The following POLDIP3 variants were observed in gnomAD, a reference collection of about 807,000 sequenced individuals.
POLDIP3 encodes DNA polymerase delta interacting protein 3.
A neutral mutation model predicts 45.1 loss-of-function variants in POLDIP3; 14 were observed. The ratio of observed to expected loss-of-function variants is 0.31; its 90% confidence interval spans 0.20 to 0.49. The LOEUF is 0.49. POLDIP3 is among the 20% of genes least tolerant of loss of function. POLDIP3 has a pLI of 0.99. For missense variants in POLDIP3, 511 were observed against 538.8 expected (o/e 0.95, Z 0.51); for synonymous variants, 223 against 205.2 (o/e 1.09, Z -0.74).
intron 1 of POLDIP3, among the ~76,000 whole-genome samples, chr22:42,611,464 C>T (rs573525191): frequency 2.0e-5 from 3 of 152,296 alleles, no homozygotes; most frequent in African/African-American, 4.8e-5. Context: ...GTTATTTACA[C>T]TTCCACAAGC....
At chr22:42,607,968 GT>G in intron 1 of POLDIP3, among the ~76,000 whole-genome samples, 1 of 149,988 alleles carries the variant, frequency 6.7e-6, no homozygotes, top group Admixed American at 6.7e-5. Flanking sequence ...CAGCCGCCCT[GT>G]TCGGGAGGTG....
chr22:42,599,187 C>T (rs1435622960), intron 4 of POLDIP3, among the ~76,000 whole-genome samples: 2 of 152,228 alleles, frequency 1.3e-5, no homozygotes, highest in Non-Finnish European at 2.9e-5. Flanking sequence ...ACTTCACTTG[C>T]TGTGGGACCT....
chr22:42,614,464 C>A lies in POLDIP3; in HGVS notation c.59+335G>T, dbSNP rs575626992. Among the ~76,000 whole-genome samples, 323 of 152,320 alleles carry A rather than the reference C, an allele frequency of 2.1e-3. 2 individuals carry two copies. Among genetic ancestry groups the A allele is most frequent in the African/African-American group, 7.3e-3 (305 of 41,574 alleles). On this transcript the variant is annotated intron_variant, in intron 1 of 8. Transcript: ENST00000252115. ...GAGATCACGGAGCGGGGCCCAAATG[C>A]CAGTCCACACAGGCAAGGAGGCTGC...
rs146662397 is a variant in POLDIP3, at chr22:42,585,304, C to T, written c.*487G>A. ...CTGACAAGACAGAGGAGCGGCACAG[C>T]TCTCAGGCCGACCTGGCTCCCGTCA... On this transcript the variant is annotated 3_prime_UTR_variant, in exon 9 of 9. Coordinates refer to ENST00000252115, the MANE Select transcript of POLDIP3 (RefSeq NM_032311.5). 508 of 507,092 alleles carry T rather than the reference C, an allele frequency of 1.0e-3. 5 individuals are homozygous for T. The highest frequency in any genetic ancestry group is 8.7e-3 in the African/African-American group (449 of 51,794). 31.4% of individuals were successfully genotyped at this position (507,092 alleles called of 1,614,324 possible).
At position 42,584,559 on chromosome 22, in the gene POLDIP3, C is replaced by T. The variant is rs957831515; in HGVS notation, c.*1232G>A. The T allele has an allele frequency of 2.5e-5, 6 of 240,104 alleles. No homozygotes were observed. The highest frequency in any genetic ancestry group is 1.2e-4 in the African/African-American group (5 of 42,636). 14.9% of individuals were successfully genotyped at this position (240,104 alleles called of 1,614,324 possible). A position where few individuals can be genotyped will look rare whatever the true frequency, so the allele number is the denominator to read the frequency against. On this transcript the variant is annotated 3_prime_UTR_variant, in exon 9 of 9. Coordinates refer to ENST00000252115, the MANE Select transcript of POLDIP3 (RefSeq NM_032311.5). ...TCTGCCAGCCTGGATTCTCTTCACT[C>T]CCAACCAGCAGGGGACCACTCAGTG...
chr22:42,587,300 C>CTAGT (rs972701072), intron 8 of POLDIP3, among the ~76,000 whole-genome samples: 2 of 152,202 alleles, frequency 1.3e-5, no homozygotes, highest in African/African-American at 2.4e-5. Flanking sequence ...GATCATAATG[C>CTAGT]TAGTCCCTAT....
At position 42,599,868 on chromosome 22, in the gene POLDIP3, C is replaced by A. The variant is rs1926242157; in HGVS notation, c.538-75G>T. On this transcript the variant is annotated intron_variant, in intron 3 of 8. Transcript: ENST00000252115. Reference sequence around the variant, plus strand: ...CAACAGACATCTAGAACAGGCATGGCAAGGAAATGGCTGCTGGAGAAACAA... The same window carrying A: ...CAACAGACATCTAGAACAGGCATGGAAAGGAAATGGCTGCTGGAGAAACAA... The A allele has an allele frequency of 2.8e-5, 30 of 1,084,952 alleles. 1 individual carries two copies. The Middle Eastern group carries it at 5.4e-3, about 197-fold the overall frequency. 67.2% of individuals were successfully genotyped at this position (1,084,952 alleles called of 1,614,324 possible).
chr22:42,606,519 A>C (rs1926738996), intron 1 of POLDIP3, among the ~76,000 whole-genome samples: 1 of 152,206 alleles, frequency 6.6e-6, no homozygotes, highest in African/African-American at 2.4e-5. Context: ...TCTACTCCAC[A>C]GGCTGAAGCA....
intron 1 of POLDIP3, among the ~76,000 whole-genome samples, chr22:42,614,222 G>A (rs924532514): frequency 3.3e-5 from 5 of 152,336 alleles, no homozygotes; most frequent in South Asian, 2.1e-4. Flanking sequence ...TGAATAGCTA[G>A]CAGACAACAG....
At chr22:42,591,216 T>C in intron 7 of POLDIP3, among the ~76,000 whole-genome samples, 1 of 152,120 alleles carries the variant, frequency 6.6e-6, no homozygotes, top group East Asian at 1.9e-4. Context: ...AATTAATTTC[T>C]TTAATGACAT....
intron 1 of POLDIP3, among the ~76,000 whole-genome samples, 154 bp downstream of exon 1, chr22:42,614,645 G>A (rs1174204767): frequency 6.6e-6 from 1 of 152,114 alleles, no homozygotes; most frequent in Non-Finnish European, 1.5e-5. Context: ...CGGGGCCACG[G>A]CGGGGACGGC....
chr22:42,605,668 T>C (rs1926678486), intron 1 of POLDIP3, among the ~76,000 whole-genome samples: 2 of 152,002 alleles, frequency 1.3e-5, no homozygotes, highest in Non-Finnish European at 2.9e-5. Context: ...ATGGAGGCAC[T>C]AGAGAAAGCA....
chr22:42,603,984 C>T (rs1413283377), intron 1 of POLDIP3, among the ~76,000 whole-genome samples: 7 of 152,262 alleles, frequency 4.6e-5, no homozygotes, highest in Middle Eastern at 6.8e-3. Flanking sequence ...AAACAGGCCC[C>T]GGTCTCTTTC....
Position 42,585,784 on chromosome 22 carries a change from C to T in POLDIP3, c.*7G>A, listed in dbSNP as rs1201389575. ...TGCCCCCACTTCTGGCTGCCTCACT[C>T]CCCTGCTCAAAGCTTGATTTTGAAT... On this transcript the variant is annotated 3_prime_UTR_variant, in exon 9 of 9. Coordinates refer to ENST00000252115, the MANE Select transcript of POLDIP3 (RefSeq NM_032311.5). 3.1e-6 allele frequency: 5 copies of T among 1,609,956 alleles called. No individual in the cohort carries two copies. In the African/African-American group the frequency reaches 6.7e-5, roughly 22 times the overall value.
At chr22:42,589,838 C>T (rs1011020339) in intron 7 of POLDIP3, among the ~76,000 whole-genome samples, 3 of 144,112 alleles carry the variant, frequency 2.1e-5, no homozygotes, top group African/African-American at 7.7e-5. Context: ...AGGGAGACTC[C>T]GTATCAAAAA....
intron 2 of POLDIP3, 91 bp downstream of exon 2, chr22:42,602,679 G>T: frequency 2.8e-6 from 4 of 1,410,194 alleles, no homozygotes; most frequent in Non-Finnish European, 3.8e-6. Context: ...TGAGAGGATA[G>T]TATTTTTGCC....
In POLDIP3 at chr22:42,600,109, T is replaced by C. The variant is rs548034503; in HGVS notation, c.538-316A>G. ...CTTGGAAAGTCCATCCTTGTTAATA[T>C]GACCTACAGAAATAAATCCAAACCC... On this transcript the variant is annotated intron_variant, in intron 3 of 8. Transcript: ENST00000252115. Among the ~76,000 whole-genome samples, 6 of 152,306 alleles carry C rather than the reference T, an allele frequency of 3.9e-5. No individual in the cohort carries two copies. The South Asian group carries it at 8.3e-4, about 21-fold the overall frequency.
At chr22:42,598,090 C>CT (rs1482496101) in intron 4 of POLDIP3, among the ~76,000 whole-genome samples, 219 of 133,184 alleles carry the variant, frequency 1.6e-3, no homozygotes, top group African/African-American at 2.2e-3. Context: ...CTTCATGTTT[C>CT]TTTTTTTTTT....
In POLDIP3 at chr22:42,601,403, A is replaced by T. The variant is rs553781608; in HGVS notation, c.537+567T>A. ...ACAAAAAAAAAAAAAGCGTAAAAAAATTAAAAAAAACAAACAAAACTTTTT... is the reference window on the plus strand; with the variant it reads ...ACAAAAAAAAAAAAAGCGTAAAAAATTTAAAAAAAACAAACAAAACTTTTT... On this transcript the variant is annotated intron_variant, in intron 3 of 8. Coordinates refer to ENST00000252115, the MANE Select transcript of POLDIP3 (RefSeq NM_032311.5). Among the ~76,000 whole-genome samples the T allele has an allele frequency of 2.2e-4, 33 of 151,550 alleles. No homozygotes were observed. The South Asian group carries it at 6.7e-3, about 31-fold the overall frequency.
Sources: gnomAD v4.1 joint callset for allele counts (sites outside exome capture counted in the v4.1 genomes callset) on GRCh38, gnomAD v4.1.1 for gene constraint, MANE v1.5 for transcripts, NCBI Gene and HGNC (gene_info 2026-07-23, HGNC 2026-07-21) for gene names.